Variants in ANK3 observed in about 807,000 individuals in gnomAD.
The protein encoded by ANK3 is ankyrin 3.
ANK3 carries 57 observed loss-of-function variants against 370.9 expected under a neutral mutation model. The observed-to-expected ratio is 0.15, with a 90% CI of 0.12 to 0.19. The LOEUF (loss-of-function observed/expected upper bound fraction) is 0.19. Among genes scored for constraint, ANK3 ranks in the 10% least tolerant of loss-of-function variants. The pLI is 1.00. For missense variants in ANK3, 4,439 were observed against 5,302.1 expected, an observed-to-expected ratio of 0.84 and a Z score of 5.06; for synonymous variants, 1,929 against 1,946.3, an observed-to-expected ratio of 0.99 and a Z score of 0.23.
chr10:60,552,101 C>G (rs1338455692), intron 2 of ANK3, among the ~76,000 whole-genome samples: 1 of 152,178 alleles, frequency 6.6e-6, no homozygotes, highest in African/African-American at 2.4e-5. Context: ...ATGACAACTT[C>G]ATCAAGGCGG....
chr10:60,618,868 A>G (rs932535268), intron 1 of ANK3, among the ~76,000 whole-genome samples: 3 of 152,158 alleles, frequency 2.0e-5, no homozygotes, highest in Non-Finnish European at 4.4e-5. Flanking sequence ...ACCCTAAATA[A>G]ATACATGTCT....
intron 1 of ANK3, among the ~76,000 whole-genome samples, chr10:60,641,472 C>G (rs1327910791): frequency 6.6e-6 from 1 of 150,974 alleles, no homozygotes; most frequent in Non-Finnish European, 1.5e-5. Context: ...TCAGAAATAA[C>G]GCCGCATATC....
intron 2 of ANK3, among the ~76,000 whole-genome samples, chr10:60,556,725 C>T (rs181465699): frequency 1.3e-5 from 2 of 152,142 alleles, no homozygotes; most frequent in Admixed American, 6.5e-5. Flanking sequence ...AATCAAAGTA[C>T]AGAAATCTAT....
At chr10:60,427,584 G>A (rs1407832366) in intron 2 of ANK3, among the ~76,000 whole-genome samples, 1 of 151,372 alleles carries the variant, frequency 6.6e-6, no homozygotes, top group Admixed American at 6.6e-5. Flanking sequence ...GCACATATCA[G>A]AATCAAGTTA....
At position 60,139,000 on chromosome 10, in the gene ANK3, C is replaced by A. The variant is rs759409738; in HGVS notation, c.2702G>T (p.Gly901Val). Residue 901 changes from glycine (G) to valine (V), a missense_variant, in exon 24 of 44, where the codon GGT (glycine) becomes GTT (valine). By Grantham distance (109) the Gly-to-Val change is moderately radical. This residue lies in a region of ANK3 where 702 missense variants were observed against 941.5 expected (regional missense o/e 0.75). Coordinates refer to ENST00000280772, the MANE Select transcript of ANK3 (RefSeq NM_020987.5). ...CGCTCCGAGACTAAAGCCCATGTAA[C>A]CCTCTGCAGGCAGGGAATCATCACC... is the stretch of plus-strand genomic sequence containing the variant. ...ELGDDSLPAE[G>V]YMGFSLGARS... 3.7e-6 allele frequency: 6 copies of A among 1,613,752 alleles called. No individual in the cohort carries two copies. The South Asian group carries it at 5.5e-5, about 15-fold the overall frequency.
chr10:60,616,360 A>C (rs1454624837), intron 1 of ANK3, among the ~76,000 whole-genome samples: 1 of 152,182 alleles, frequency 6.6e-6, no homozygotes, highest in East Asian at 1.9e-4. Context: ...AAAAATGAAA[A>C]TCAATCATAG....
intron 28 of ANK3, among the ~76,000 whole-genome samples, 192 bp downstream of exon 28, chr10:60,105,713 C>T (rs1015920532): frequency 1.2e-4 from 18 of 152,026 alleles, no homozygotes; most frequent in Non-Finnish European, 1.3e-4. Flanking sequence ...TTCTATATTA[C>T]GGAGAATAAA....
intron 1 of ANK3, among the ~76,000 whole-genome samples, chr10:60,682,547 C>A (rs2079210756): frequency 6.6e-6 from 1 of 152,140 alleles, no homozygotes; most frequent in South Asian, 2.1e-4. Flanking sequence ...CCTTCTCCTG[C>A]CCTCCTTTCC....
intron 2 of ANK3, among the ~76,000 whole-genome samples, chr10:60,527,426 AG>A (rs1452659716): frequency 1.3e-5 from 2 of 152,126 alleles, no homozygotes; most frequent in Admixed American, 6.6e-5. Context: ...GAGAGAGAGA[AG>A]GGTTCAGAAA....
chr10:60,367,009 G>T (rs1594605374), intron 1 of ANK3, among the ~76,000 whole-genome samples: 1 of 152,002 alleles, frequency 6.6e-6, no homozygotes, highest in East Asian at 1.9e-4. Flanking sequence ...ACTCTCCAAG[G>T]AGAGAATATA....
chr10:60,156,604 AGAGAGGGAAGTGG>A (rs2132265198), intron 23 of ANK3, among the ~76,000 whole-genome samples: 1 of 152,326 alleles, frequency 6.6e-6, no homozygotes, highest in South Asian at 2.1e-4. Flanking sequence ...TTTGCCAGAA[AGAGAGGGAAGTGG>A]GAGAGACTTT....
At chr10:60,249,800 G>T (rs1053936009) in intron 7 of ANK3, among the ~76,000 whole-genome samples, 3 of 152,130 alleles carry the variant, frequency 2.0e-5, no homozygotes, top group Non-Finnish European at 4.4e-5. Context: ...ATGAGGCAAT[G>T]AGGCTGCCCA....
intron 1 of ANK3, among the ~76,000 whole-genome samples, chr10:60,654,372 GC>G (rs1481616142): frequency 6.6e-6 from 1 of 152,092 alleles, no homozygotes; most frequent in East Asian, 1.9e-4. Context: ...CTTGCCTTCT[GC>G]CCAGTGTTAA....
chr10:60,381,708 T>A (rs892832345), intron 1 of ANK3, among the ~76,000 whole-genome samples: 2 of 152,176 alleles, frequency 1.3e-5, no homozygotes, highest in Non-Finnish European at 2.9e-5. Flanking sequence ...ACACTCTTTT[T>A]ATGCAAGGAA....
chr10:60,339,306 A>G (rs1475625900), intron 1 of ANK3, among the ~76,000 whole-genome samples: 1 of 152,186 alleles, frequency 6.6e-6, no homozygotes, highest in Non-Finnish European at 1.5e-5. Flanking sequence ...AAGCATCAGC[A>G]AACCTTAGAA....
chr10:60,400,565 G>GT lies in ANK3; in HGVS notation c.97-120927dup, dbSNP rs753698505. On this transcript the variant is annotated intron_variant, in intron 2 of 43. Transcript: ENST00000373827. ...TTGGGGATAAGCAGATCATTCCAAGGTTTTTTTTTTACATTACAATAAAAA... is the reference window on the plus strand; with the variant it reads ...TTGGGGATAAGCAGATCATTCCAAGGTTTTTTTTTTTACATTACAATAAAAA... Among the ~76,000 whole-genome samples, 872 of 148,606 alleles carry GT rather than the reference G, an allele frequency of 5.9e-3. 4 individuals carry two copies. The highest frequency in any genetic ancestry group is 0.012 in the South Asian group (57 of 4,678).
intron 1 of ANK3, among the ~76,000 whole-genome samples, chr10:60,640,954 A>G: frequency 1.7e-5 from 2 of 114,772 alleles, no homozygotes; most frequent in Non-Finnish European, 3.7e-5. Context: ...AAATCAATGT[A>G]CAAAAATCAC....
intron 2 of ANK3, among the ~76,000 whole-genome samples, chr10:60,429,526 T>C (rs928668784): frequency 1.3e-5 from 2 of 152,068 alleles, no homozygotes; most frequent in Non-Finnish European, 2.9e-5. Context: ...AAGAAGTGAG[T>C]ATAAGAAAGT....
intron 2 of ANK3, among the ~76,000 whole-genome samples, chr10:60,411,913 G>T (rs1232266832): frequency 1.3e-5 from 2 of 152,090 alleles, no homozygotes; most frequent in Non-Finnish European, 1.5e-5. Flanking sequence ...GACAGCCAGG[G>T]CAATTAATCC....
Sources: allele counts gnomAD v4.1 joint callset (sites outside exome capture counted in the v4.1 genomes callset), GRCh38; gene constraint gnomAD v4.1.1; regional missense constraint gnomAD v4.1.1; transcripts MANE v1.5; gene names NCBI Gene and HGNC (gene_info 2026-07-23, HGNC 2026-07-21).